The following FRMD3 variants were observed in gnomAD, a reference collection of about 807,000 sequenced individuals.
FRMD3 encodes FERM domain containing 3.
Under a neutral mutation model 70.2 loss-of-function variants are expected in FRMD3, and 33 were observed. That is an observed-to-expected ratio of 0.47 (90% confidence interval 0.36 to 0.63). The LOEUF is 0.63. Ranked by LOEUF, FRMD3 falls within the 20% of genes least tolerant of loss-of-function variation. The pLI, the probability that FRMD3 is intolerant of heterozygous loss-of-function variation, is 0.00. For missense variants in FRMD3, 632 were observed against 711.4 expected, an observed-to-expected ratio of 0.89 and a Z score of 1.27; for synonymous variants, 279 against 255.9, an observed-to-expected ratio of 1.09 and a Z score of -0.86.
At chr9:83,338,589 C>T (rs1400766020) in intron 5 of FRMD3, among the ~76,000 whole-genome samples, 1 of 151,940 alleles carries the variant, frequency 6.6e-6, no homozygotes, top group Non-Finnish European at 1.5e-5. Flanking sequence ...TGGACAGATC[C>T]CAAAAGCAGT....
At chr9:83,440,506 A>C (rs554881310) in intron 1 of FRMD3, among the ~76,000 whole-genome samples, 145 of 152,316 alleles carry the variant, frequency 9.5e-4, no homozygotes, top group African/African-American at 3.4e-3. Flanking sequence ...CCACTCCCAC[A>C]GGGCCATCAG....
At chr9:83,522,756 G>A (rs1829603569) in intron 1 of FRMD3, among the ~76,000 whole-genome samples, 1 of 151,818 alleles carries the variant, frequency 6.6e-6, no homozygotes, top group Non-Finnish European at 1.5e-5. Flanking sequence ...GTAGAGACGG[G>A]GTTTCACGGT....
At chr9:83,497,560 C>T (rs534023340) in intron 1 of FRMD3, among the ~76,000 whole-genome samples, 7 of 152,296 alleles carry the variant, frequency 4.6e-5, no homozygotes, top group Non-Finnish European at 7.4e-5. Flanking sequence ...ACCAAATACC[C>T]GTGGGCTCCT....
intron 1 of FRMD3, among the ~76,000 whole-genome samples, chr9:83,471,346 G>A (rs917328079): frequency 1.3e-5 from 2 of 152,268 alleles, no homozygotes; most frequent in South Asian, 4.1e-4. Flanking sequence ...GGAAAAACAG[G>A]CAACTATCTT....
intron 1 of FRMD3, among the ~76,000 whole-genome samples, chr9:83,413,644 A>G (rs1428500114): frequency 6.6e-6 from 1 of 152,204 alleles, no homozygotes; most frequent in Non-Finnish European, 1.5e-5. Context: ...ATGGTATTTA[A>G]CAGAACCATG....
intron 5 of FRMD3, among the ~76,000 whole-genome samples, chr9:83,341,831 A>G (rs1011497723): frequency 6.6e-6 from 1 of 152,106 alleles, no homozygotes; most frequent in African/African-American, 2.4e-5. Context: ...ACCAAACACA[A>G]CTGAGAACAG....
intron 1 of FRMD3, among the ~76,000 whole-genome samples, chr9:83,526,928 C>T (rs775429201): frequency 6.6e-6 from 1 of 150,640 alleles, no homozygotes; most frequent in African/African-American, 2.4e-5. Flanking sequence ...TTCCATCCTG[C>T]ACCTTCGGGG....
intron 6 of FRMD3, among the ~76,000 whole-genome samples, chr9:83,317,551 A>G (rs1307415299): frequency 6.6e-6 from 1 of 152,168 alleles, no homozygotes; most frequent in African/African-American, 2.4e-5. Flanking sequence ...TAAAAGCTAC[A>G]TGTCATTTAT....
chr9:83,364,219 G>A (rs1824714998), intron 3 of FRMD3, among the ~76,000 whole-genome samples: 1 of 152,020 alleles, frequency 6.6e-6, no homozygotes, highest in African/African-American at 2.4e-5. Context: ...TATTTTCCCT[G>A]TGCTTTAATT....
chr9:83,438,710 T>C (rs1156816908), intron 1 of FRMD3, among the ~76,000 whole-genome samples: 1 of 152,194 alleles, frequency 6.6e-6, no homozygotes, highest in Non-Finnish European at 1.5e-5. Context: ...AAGAGAATAT[T>C]TTCTCCACAC....
At chr9:83,318,706 T>C (rs1189947177) in intron 6 of FRMD3, among the ~76,000 whole-genome samples, 1 of 152,158 alleles carries the variant, frequency 6.6e-6, no homozygotes, top group Non-Finnish European at 1.5e-5. Context: ...CTATTTTTAG[T>C]TCTTTAAGAA....
At chr9:83,378,713 TTA>T (rs1010651238) in intron 2 of FRMD3, among the ~76,000 whole-genome samples, 3 of 109,230 alleles carry the variant, frequency 2.7e-5, no homozygotes, top group Non-Finnish European at 5.3e-5. Flanking sequence ...TATGTATACT[TTA>T]TATTATATAT....
intron 1 of FRMD3, among the ~76,000 whole-genome samples, chr9:83,499,355 G>A (rs1829013367): frequency 6.6e-6 from 1 of 152,076 alleles, no homozygotes; most frequent in Non-Finnish European, 1.5e-5. Context: ...CATATGAACA[G>A]GACAGCTGAT....
At chr9:83,538,514 C>T (rs1829954664), upstream of FRMD3, 2 of 284,168 alleles carry the variant, frequency 7.0e-6, no homozygotes, top group South Asian at 1.7e-4. The surrounding 1 kb of genome is among the most constrained non-coding windows in gnomAD (Gnocchi z 4.7). Context: ...TCGCCGAGGA[C>T]GCCCAGAGCC....
At chr9:83,291,941 C>T (rs565722463) in intron 12 of FRMD3, among the ~76,000 whole-genome samples, 1 of 152,272 alleles carries the variant, frequency 6.6e-6, no homozygotes, top group South Asian at 2.1e-4. Context: ...TTAAAAGCTC[C>T]CATGGCTGGC....
chr9:83,357,537 C>G (rs905152350), intron 3 of FRMD3, among the ~76,000 whole-genome samples: 5 of 151,376 alleles, frequency 3.3e-5, no homozygotes, highest in Non-Finnish European at 5.9e-5. Flanking sequence ...AGTTTACAAC[C>G]CCACCAATAG....
chr9:83,582,906 G>C, the FRMD3 span, among the ~76,000 whole-genome samples: 5 of 152,176 alleles, frequency 3.3e-5, no homozygotes, highest in Admixed American at 1.3e-4. Context: ...TCAGTTTCAA[G>C]TTGTAAGAGA....
chr9:83,307,515 T>C (rs1462343791), intron 10 of FRMD3, among the ~76,000 whole-genome samples: 1 of 152,200 alleles, frequency 6.6e-6, no homozygotes, highest in African/African-American at 2.4e-5. Flanking sequence ...TGTTATAATA[T>C]GGGTGAACTT....
At chr9:83,374,920 T>C (rs1564044476) in intron 2 of FRMD3, among the ~76,000 whole-genome samples, 1 of 152,238 alleles carries the variant, frequency 6.6e-6, no homozygotes, top group Non-Finnish European at 1.5e-5. Context: ...TATCAATACT[T>C]ACTGCAATTG....
Sources: allele counts gnomAD v4.1 joint callset (sites outside exome capture counted in the v4.1 genomes callset), GRCh38; gene constraint gnomAD v4.1.1; non-coding constraint Gnocchi (gnomAD v3.1); transcripts MANE v1.5; gene names NCBI Gene and HGNC (gene_info 2026-07-23, HGNC 2026-07-21).